DNMT3A: variants seen among roughly 807,000 people sequenced by gnomAD.
The protein encoded by DNMT3A is DNA (cytosine-5)-methyltransferase 3A.
In DNMT3A, 267 loss-of-function variants were observed where a neutral mutation model predicts 117.6. The observed-to-expected ratio is 2.27, with a 90% confidence interval of 2.05 to 2.51. The LOEUF (loss-of-function observed/expected upper bound fraction) is 2.51, where lower values mean the gene tolerates loss of function less well. Among genes scored for constraint, DNMT3A ranks in the 30% most tolerant of loss-of-function variants. DNMT3A has a pLI of 0.00. For missense variants in DNMT3A, 1,029 were observed against 1,260.2 expected (o/e 0.82, Z 2.78); for synonymous variants, 432 against 474.8 (o/e 0.91, Z 1.17).
rs2034085588 is a variant in DNMT3A at position 25,311,082 on chromosome 2, T to C, written c.72+2831A>G. On this transcript the variant is annotated intron_variant, in intron 2 of 22. Coordinates refer to ENST00000321117, the MANE Select transcript of DNMT3A (RefSeq NM_022552.5). This position sits in a 1 kb window ranked among gnomAD's most constrained non-coding sequence, Gnocchi z 5.2. The stretch of plus-strand genomic sequence containing the variant: ...AAAGACCTGGAGACTCCAGGAAGTA[T>C]GGGAGTGGGGCTGGAGTGAAAGGTG... Among the ~76,000 whole-genome samples, 1 of 62,382 alleles carries C rather than the reference T, an allele frequency of 1.6e-5. No homozygotes were observed. The highest frequency in any genetic ancestry group is 6.2e-4 in the East Asian group (1 of 1,626). The allele number at this position is 62,382 out of a possible 152,430, so 40.9% of individuals were successfully genotyped here. A position where few individuals can be genotyped will look rare whatever the true frequency, so the allele number is the denominator to read the frequency against.
chr2:25,228,920 C>A lies in DNMT3A; in HGVS notation c.*5359G>T, dbSNP rs74580656. The A allele has an allele frequency of 6.6e-6, 1 of 152,192 alleles. No individual in the cohort carries two copies. The highest frequency in any genetic ancestry group is 1.5e-5 in the Non-Finnish European group (1 of 68,048). The allele number at this position is 152,192 out of a possible 1,614,324, so 9.4% of individuals were successfully genotyped here. A position where few individuals can be genotyped will look rare whatever the true frequency, so the allele number is the denominator to read the frequency against. On this transcript the variant is annotated 3_prime_UTR_variant, in exon 23 of 23. Transcript: ENST00000321117. ...TGAGGGAGCCGCCCTCCTCACCCCCCAGTGGAGCTGAGCCAGGGAGCTTTC... is the reference window on the plus strand; with the variant it reads ...TGAGGGAGCCGCCCTCCTCACCCCCAAGTGGAGCTGAGCCAGGGAGCTTTC...
intron 20 of DNMT3A, among the ~76,000 whole-genome samples, chr2:25,238,582 C>T (rs1421204954): frequency 6.6e-6 from 1 of 152,238 alleles, no homozygotes. Flanking sequence ...AATGAATTTT[C>T]TTCATTCCTA....
At position 25,260,434 on chromosome 2, in the gene DNMT3A, G is replaced by A. The variant is rs570504511; in HGVS notation, c.640-12182C>T. Among the ~76,000 whole-genome samples, 13 of 152,224 alleles carry A rather than the reference G, an allele frequency of 8.5e-5. No individual in the cohort carries two copies. In the South Asian group the frequency reaches 2.5e-3, roughly 29 times the overall value. On this transcript the variant is annotated intron_variant, in intron 6 of 22. Coordinates refer to ENST00000321117, the MANE Select transcript of DNMT3A (RefSeq NM_022552.5). ...CTTTGAGAAACATTGAAGTCTAAGA[G>A]CATCTTTGGTATATATAAGCAAGCT...
rs2034828354 is a variant in DNMT3A, at chr2:25,327,408, C to G, written c.-177-13247G>C. On this transcript the variant is annotated intron_variant, in intron 1 of 22. Transcript: ENST00000321117. The surrounding 1 kb of genome is among the most constrained non-coding windows in gnomAD (Gnocchi z 4.1). The stretch of plus-strand genomic sequence containing the variant: ...CCTGCTTCAAGCACTCACTCAACAG[C>G]CATTTCTTGAGTGCCATTGTGGAGC... Among the ~76,000 whole-genome samples the G allele has an allele frequency of 1.3e-5, 2 of 152,130 alleles. No individual in the cohort carries two copies. The highest frequency in any genetic ancestry group is 1.3e-4 in the Admixed American group (2 of 15,272).
intron 3 of DNMT3A, among the ~76,000 whole-genome samples, chr2:25,295,297 G>A (rs2149398813): frequency 6.6e-6 from 1 of 152,326 alleles, no homozygotes; most frequent in African/African-American, 2.4e-5. Flanking sequence ...CAGCCCGCAG[G>A]CCCTGGCCCA....
chr2:25,320,598 G>T (rs2034552689), intron 1 of DNMT3A, among the ~76,000 whole-genome samples: 1 of 151,746 alleles, frequency 6.6e-6, no homozygotes, highest in Non-Finnish European at 1.5e-5. Context: ...TTAGCAACAG[G>T]TACAAAAAAA....
intron 3 of DNMT3A, among the ~76,000 whole-genome samples, chr2:25,285,663 G>T (rs1201379841): frequency 6.6e-6 from 1 of 152,212 alleles, no homozygotes; most frequent in East Asian, 1.9e-4. Context: ...AGCCAGGAAG[G>T]CCAAATCCGG....
chr2:25,303,835 AG>A (rs1430151358), intron 2 of DNMT3A, among the ~76,000 whole-genome samples: 1 of 152,256 alleles, frequency 6.6e-6, no homozygotes, highest in Non-Finnish European at 1.5e-5. Context: ...CACGCCAAGA[AG>A]GGTGAGCAGA....
chr2:25,287,865 G>A (rs1200887713), intron 3 of DNMT3A, among the ~76,000 whole-genome samples: 2 of 151,160 alleles, frequency 1.3e-5, no homozygotes, highest in African/African-American at 2.4e-5. Context: ...ATGGAGTTTC[G>A]CTCTTGTTGC....
intron 6 of DNMT3A, among the ~76,000 whole-genome samples, chr2:25,272,870 C>T (rs991010637): frequency 9.4e-5 from 14 of 148,628 alleles, no homozygotes; most frequent in Non-Finnish European, 1.9e-4. Context: ...GGCTCAATCT[C>T]GCCTCACCGC....
In DNMT3A at chr2:25,239,203, T is replaced by C; in HGVS notation, c.2335A>G (p.Met779Val). ...GCTGACACTTCTTTGGCATCAATCATCACAGGGTTGGACTACAAAACAGGA... is the reference window on the plus strand; with the variant it reads ...GCTGACACTTCTTTGGCATCAATCACCACAGGGTTGGACTACAAAACAGGA... Reference protein sequence around the residue: ...ISRFLESNPVMIDAKEVSAAH... With the variant: ...ISRFLESNPVVIDAKEVSAAH... The change falls in exon 20 of 23, where the codon ATG becomes GTG. Residue 779 changes from methionine to valine, a missense_variant. Coordinates refer to ENST00000321117, the MANE Select transcript of DNMT3A (RefSeq NM_022552.5). 6.2e-7 allele frequency: 1 copy of C among 1,613,864 alleles called. No individual in the cohort carries two copies. The highest frequency in any genetic ancestry group is 8.5e-7 in the Non-Finnish European group (1 of 1,179,862).
intron 20 of DNMT3A, 133 bp downstream of exon 20, chr2:25,238,997 G>A (rs1673667784): frequency 1.4e-6 from 1 of 693,992 alleles, no homozygotes; most frequent in Non-Finnish European, 2.4e-6. Flanking sequence ...AAGGAAATAA[G>A]GAACATGGCA....
At chr2:25,278,530 A>G (rs1409166331) in intron 4 of DNMT3A, among the ~76,000 whole-genome samples, 1 of 152,218 alleles carries the variant, frequency 6.6e-6, no homozygotes, top group Non-Finnish European at 1.5e-5. Flanking sequence ...AATGAGGATA[A>G]TAAGAGTCTT....
intron 1 of DNMT3A, chr2:25,328,582 T>TC (rs1230008609): frequency 5.2e-5 from 24 of 465,336 alleles, no homozygotes; most frequent in East Asian, 3.3e-4. Context: ...TTGCTGCCCG[T>TC]CCCCCCCGCC....
chr2:25,263,564 G>A (rs1200013764), intron 6 of DNMT3A, among the ~76,000 whole-genome samples: 2 of 152,144 alleles, frequency 1.3e-5, no homozygotes, highest in Non-Finnish European at 2.9e-5. Flanking sequence ...GAGTGTACTG[G>A]CCTCTTAATA....
rs1200962630 is a variant in DNMT3A, at chr2:25,254,276, G to C, written c.640-6024C>G. 6.6e-6 allele frequency among the ~76,000 whole-genome samples: 1 copy of C among 152,016 alleles called. No homozygotes were observed. Among genetic ancestry groups the C allele is most frequent in the Non-Finnish European group, 1.5e-5 (1 of 67,998 alleles). On this transcript the variant is annotated intron_variant, in intron 6 of 22. Coordinates refer to ENST00000321117, the MANE Select transcript of DNMT3A (RefSeq NM_022552.5). This position sits in a 1 kb window ranked among gnomAD's most constrained non-coding sequence, Gnocchi z 4.7. ...CTGGCTCCCAGCCACAGTCACCTGGGACATACAGGTGCTGGTATAATGAAG... is the reference window on the plus strand; with the variant it reads ...CTGGCTCCCAGCCACAGTCACCTGGCACATACAGGTGCTGGTATAATGAAG...
intron 1 of DNMT3A, among the ~76,000 whole-genome samples, chr2:25,334,585 T>C (rs1003646180): frequency 2.0e-5 from 3 of 152,208 alleles, no homozygotes; most frequent in African/African-American, 7.2e-5. Flanking sequence ...CCTCAGTGAT[T>C]TGTTCTCCAC....
chr2:25,239,797 G>A (rs1673769106), intron 19 of DNMT3A, among the ~76,000 whole-genome samples: 2 of 152,214 alleles, frequency 1.3e-5, no homozygotes, highest in African/African-American at 2.4e-5. Flanking sequence ...CTCCAAGCAC[G>A]CCTCTGGCAG....
intron 12 of DNMT3A, 72 bp downstream of exon 12, chr2:25,245,948 C>G (rs2149297919): frequency 6.2e-7 from 1 of 1,603,074 alleles, no homozygotes. Flanking sequence ...TCATTCAAAC[C>G]TTCCTAAGTG....
Sources: allele counts gnomAD v4.1 joint callset (sites outside exome capture counted in the v4.1 genomes callset), GRCh38; gene constraint gnomAD v4.1.1; non-coding constraint Gnocchi (gnomAD v3.1); transcripts MANE v1.5; gene names NCBI Gene and HGNC (gene_info 2026-07-23, HGNC 2026-07-21).